SORBS2: variants seen among roughly 807,000 people sequenced by gnomAD.
SORBS2 encodes the protein sorbin and SH3 domain containing 2.
SORBS2 carries 46 observed loss-of-function variants against 97.7 expected under a neutral mutation model. That is an observed-to-expected ratio of 0.47 (90% CI 0.37 to 0.60). SORBS2 has a LOEUF of 0.60. Among genes scored for constraint, SORBS2 ranks in the 20% least tolerant of loss-of-function variants. The pLI, the probability that SORBS2 is intolerant of heterozygous loss-of-function variation, is 0.00. For synonymous variants in SORBS2, 476 were observed against 473.4 expected (o/e 1.01, Z -0.07); for missense variants, 1,316 against 1,282.3 (o/e 1.03, Z -0.40).
intron 1 of SORBS2, among the ~76,000 whole-genome samples, chr4:185,902,747 T>C (rs537943926): frequency 4.6e-5 from 7 of 152,206 alleles, no homozygotes; most frequent in African/African-American, 1.7e-4. Flanking sequence ...CTGATTGCTT[T>C]CTGGATCTTG....
At chr4:185,598,732 G>A (rs542739007) in intron 12 of SORBS2, among the ~76,000 whole-genome samples, 3 of 151,776 alleles carry the variant, frequency 2.0e-5, no homozygotes, top group Non-Finnish European at 4.4e-5. Context: ...ATAATACCAC[G>A]TTTATGTTTC....
rs79092738 is a variant in SORBS2 at position 185,902,688 on chromosome 4, T to TAA, written c.-338+53506_-338+53507dup. 4.8e-3 allele frequency among the ~76,000 whole-genome samples: 666 copies of TAA among 139,794 alleles called. 7 individuals are homozygous for TAA. The highest frequency in any genetic ancestry group is 0.017 in the African/African-American group (628 of 38,008). 91.7% of individuals were successfully genotyped at this position (139,794 alleles called of 152,430 possible). ...TAGAGATAAAAATGGTGTTTTTACT[T>TAA]AAAAAAAAAAAAAAAAGAAAAAGAA... On this transcript the variant is annotated intron_variant, in intron 1 of 20. Coordinates refer to the SORBS2 transcript ENST00000284776.
At chr4:185,612,781 T>C (rs1006322808) in intron 11 of SORBS2, among the ~76,000 whole-genome samples, 3 of 150,936 alleles carry the variant, frequency 2.0e-5, no homozygotes, top group African/African-American at 7.4e-5. Context: ...TGAGCCACTG[T>C]GCCCGGCCCC....
At chr4:185,759,144 G>C (rs2098848090) in intron 2 of SORBS2, among the ~76,000 whole-genome samples, 1 of 152,242 alleles carries the variant, frequency 6.6e-6, no homozygotes, top group Non-Finnish European at 1.5e-5. Context: ...CCAGAGTGAT[G>C]AGGATGTCAG....
chr4:185,654,651 A>G (rs2097366540), intron 1 of SORBS2, among the ~76,000 whole-genome samples: 1 of 152,212 alleles, frequency 6.6e-6, no homozygotes. Context: ...TAAAAGAAGT[A>G]CTCTAAGCAT....
chr4:185,786,551 A>C (rs1288975740), intron 1 of SORBS2, among the ~76,000 whole-genome samples: 1 of 152,244 alleles, frequency 6.6e-6, no homozygotes, highest in Non-Finnish European at 1.5e-5. Flanking sequence ...TTCCAAGGAA[A>C]GAACTGAGGG....
chr4:185,708,942 C>G (rs1226376912), intron 2 of SORBS2, among the ~76,000 whole-genome samples: 2 of 152,258 alleles, frequency 1.3e-5, no homozygotes, highest in South Asian at 2.1e-4. Context: ...ATCTTTATAT[C>G]TATTTCTACG....
intron 1 of SORBS2, among the ~76,000 whole-genome samples, chr4:185,903,882 A>G (rs1471433928): frequency 6.6e-6 from 1 of 152,252 alleles, no homozygotes; most frequent in Non-Finnish European, 1.5e-5. Context: ...AGAGAACTAC[A>G]GGATAATTAC....
intron 4 of SORBS2, chr4:185,677,686 A>G: frequency 2.1e-6 from 3 of 1,414,340 alleles, no homozygotes; most frequent in Non-Finnish European, 2.8e-6. Context: ...TGAAAGAAAA[A>G]CAGAGAAAGT....
chr4:185,846,676 G>A (rs751982212), intron 1 of SORBS2, among the ~76,000 whole-genome samples: 19 of 152,184 alleles, frequency 1.2e-4, no homozygotes, highest in Non-Finnish European at 2.4e-4. Flanking sequence ...AGATAATAGC[G>A]TACATTTATT....
In SORBS2 at chr4:185,773,363, G is replaced by C. The variant is rs1167838883; in HGVS notation, c.-198+1864C>G. 3 of 152,200 alleles carry C rather than the reference G, an allele frequency of 2.0e-5. No individual in the cohort carries two copies. In the East Asian group the frequency reaches 5.8e-4, roughly 29 times the overall value. 9.4% of individuals were successfully genotyped at this position (152,200 alleles called of 1,614,324 possible). A position where few individuals can be genotyped will look rare whatever the true frequency, so the allele number is the denominator to read the frequency against. ...GCTTCTTATAATGTAGATTTGAAGG[G>C]GAAAAGTGGCAATGAAATGCCCAGG... On this transcript the variant is annotated intron_variant, in intron 2 of 20. Transcript: ENST00000284776.
chr4:185,734,190 G>C (rs1472861523), intron 2 of SORBS2, 36 bp from the exon 3 acceptor site: 2 of 152,456 alleles, frequency 1.3e-5, no homozygotes, highest in Non-Finnish European at 2.9e-5. Context: ...AGGTGGGTGG[G>C]GTCTGCCCCA....
intron 4 of SORBS2, among the ~76,000 whole-genome samples, chr4:185,668,247 A>C (rs576550409): frequency 6.6e-6 from 1 of 152,376 alleles, no homozygotes; most frequent in East Asian, 1.9e-4. Context: ...TATGATCATT[A>C]GTTTGCATAG....
intron 13 of SORBS2, chr4:185,593,211 GA>G (rs1217614992): frequency 6.6e-6 from 1 of 152,398 alleles, no homozygotes; most frequent in Admixed American, 6.5e-5. Flanking sequence ...AGGCCAACAG[GA>G]AGCTGATAAC....
chr4:185,709,506 G>C lies in SORBS2; in HGVS notation c.-197-30684C>G, dbSNP rs140074707. ...GTTGTTACTTTTTAAATGTGTTTTTGTTACTTTTAAAATGAAATGAAAAAG... is the reference window on the plus strand; with the variant it reads ...GTTGTTACTTTTTAAATGTGTTTTTCTTACTTTTAAAATGAAATGAAAAAG... On this transcript the variant is annotated intron_variant, in intron 2 of 20. Transcript: ENST00000284776. Among the ~76,000 whole-genome samples, 994 of 151,684 alleles carry C rather than the reference G, an allele frequency of 6.6e-3. 13 individuals are homozygous for C. Among genetic ancestry groups the C allele is most frequent in the African/African-American group, 0.022 (919 of 41,388 alleles).
chr4:185,603,516 T>C (rs1234668897), intron 12 of SORBS2, among the ~76,000 whole-genome samples: 2 of 152,208 alleles, frequency 1.3e-5, no homozygotes, highest in East Asian at 3.9e-4. Flanking sequence ...GGTTTTGAGA[T>C]TGTATAAATG....
At chr4:185,603,005 T>G (rs1045918173) in intron 12 of SORBS2, among the ~76,000 whole-genome samples, 1 of 152,226 alleles carries the variant, frequency 6.6e-6, no homozygotes, top group African/African-American at 2.4e-5. Context: ...ATGTGGTCAT[T>G]AAAATATTCT....
At chr4:185,754,172 A>T (rs2098817461) in intron 2 of SORBS2, among the ~76,000 whole-genome samples, 1 of 152,160 alleles carries the variant, frequency 6.6e-6, no homozygotes, top group Non-Finnish European at 1.5e-5. Context: ...GCTAGAGGTC[A>T]TTTTCTAAGC....
Position 185,592,525 on chromosome 4 carries a change from G to A in SORBS2, c.2846+1361C>T, listed in dbSNP as rs147321046. On this transcript the variant is annotated intron_variant, in intron 13 of 14. Transcript: ENST00000418609. ...AACAAAAGCTTTAGAATGACAAGTC[G>A]TATTTAGTGTTTTCCAGTTAAGCGA... 4.3e-3 allele frequency among the ~76,000 whole-genome samples: 655 copies of A among 152,206 alleles called. 6 individuals are homozygous for A. The highest frequency in any genetic ancestry group is 0.014 in the African/African-American group (594 of 41,528).
Sources: allele counts gnomAD v4.1 joint callset (sites outside exome capture counted in the v4.1 genomes callset), GRCh38; gene constraint gnomAD v4.1.1; transcripts MANE v1.5; gene names NCBI Gene and HGNC (gene_info 2026-07-23, HGNC 2026-07-21).